Variants in SETD5 observed in about 807,000 individuals in gnomAD.
SETD5 encodes the protein SET domain containing 5, also known as histone-lysine N-methyltransferase SETD5.
SETD5 carries 44 observed loss-of-function variants against 153.3 expected under a neutral mutation model. That is an observed-to-expected ratio of 0.29 (90% CI 0.23 to 0.37). SETD5 has a LOEUF of 0.37. SETD5 is among the 10% of genes least tolerant of loss of function. The pLI, the probability that SETD5 is intolerant of heterozygous loss-of-function variation, is 1.00. For missense variants in SETD5, 1,544 were observed against 1,768.0 expected, an observed-to-expected ratio of 0.87 and a Z score of 2.27; for synonymous variants, 716 against 645.2, an observed-to-expected ratio of 1.11 and a Z score of -1.66.
At chr3:9,471,896 A>C (rs2045343551) in intron 19 of SETD5, among the ~76,000 whole-genome samples, 1 of 152,208 alleles carries the variant, frequency 6.6e-6, no homozygotes, top group Non-Finnish European at 1.5e-5. Flanking sequence ...TATTTTCATT[A>C]TAATGATATT....
At chr3:9,465,071 C>G (rs554940890) in intron 18 of SETD5, 1 of 203,374 alleles carries the variant, frequency 4.9e-6, no homozygotes, top group Admixed American at 5.2e-5. Flanking sequence ...ATTGTGTCTT[C>G]GTTTCTAGGC....
chr3:9,457,320 C>G (rs534365097), intron 17 of SETD5, among the ~76,000 whole-genome samples: 17 of 152,144 alleles, frequency 1.1e-4, no homozygotes, highest in African/African-American at 3.6e-4. Context: ...AACCCCATCT[C>G]TACTAAAAAT....
In SETD5 at chr3:9,447,942, C is replaced by A. The variant is rs544568711; in HGVS notation, c.2039C>A (p.Thr680Asn). 5.6e-6 allele frequency: 9 copies of A among 1,613,956 alleles called. No individual in the cohort carries two copies. In the South Asian group the frequency reaches 8.8e-5, roughly 16 times the overall value. Residue 680 changes from threonine to asparagine, a missense_variant, in exon 15 of 23, where the codon ACT (threonine) becomes AAT (asparagine). Physicochemically the swap from Thr to Asn is moderately conservative, Grantham distance 65 (BLOSUM62 0). Coordinates refer to ENST00000402198, the MANE Select transcript of SETD5 (RefSeq NM_001080517.3). The part of the protein sequence containing the change: ...ENRPLTGSDP[T>N]VVSITGSHVN... The stretch of plus-strand genomic sequence containing the variant: ...AGGCCATTAACAGGGTCTGACCCAA[C>A]TGTGGTGTCAATTACTGGATCCCAT...
intron 17 of SETD5, chr3:9,454,152 A>G (rs2042935696): frequency 5.8e-6 from 1 of 172,864 alleles, no homozygotes; most frequent in African/African-American, 2.4e-5. Context: ...TCATATTTAT[A>G]AGATGGGGCA....
intron 1 of SETD5, among the ~76,000 whole-genome samples, chr3:9,405,927 G>T (rs1314401853): frequency 6.6e-6 from 1 of 152,106 alleles, no homozygotes; most frequent in East Asian, 1.9e-4. Context: ...CATACAATTT[G>T]TACTTTCACA....
At chr3:9,435,609 T>C (rs2040478266) in intron 6 of SETD5, 119 bp from the exon 7 acceptor site, 1 of 871,734 alleles carries the variant, frequency 1.1e-6, no homozygotes, top group Non-Finnish European at 1.7e-6. Context: ...TTACAGATGA[T>C]AAGAGTTAAT....
chr3:9,419,181 A>G (rs947469004), intron 1 of SETD5, among the ~76,000 whole-genome samples: 1 of 152,218 alleles, frequency 6.6e-6, no homozygotes, highest in Non-Finnish European at 1.5e-5. Flanking sequence ...TACTTGGCAC[A>G]TAGGCAAACC....
chr3:9,436,823 T>C, intron 7 of SETD5: 1 of 1,549,268 alleles, frequency 6.5e-7, no homozygotes, highest in African/African-American at 1.4e-5. Context: ...GTTTTGTTTG[T>C]TCTACTTGTT....
chr3:9,445,979 T>G (rs1391518373), intron 13 of SETD5, among the ~76,000 whole-genome samples: 2 of 147,454 alleles, frequency 1.4e-5, no homozygotes, highest in African/African-American at 2.5e-5. Flanking sequence ...TTTTTTTTTT[T>G]TTTTTTTTTA....
Position 9,470,584 on chromosome 3 carries a change from C to G in SETD5, c.2850C>G (p.Leu950=). The G allele has an allele frequency of 6.2e-7, 1 of 1,614,008 alleles. No homozygotes were observed. The highest frequency in any genetic ancestry group is 8.5e-7 in the Non-Finnish European group (1 of 1,179,896). The part of the protein sequence containing the change: ...GHSDLAPHPS[L]GPTSETGFPS... ...CTGACCTGGCTCCTCATCCCTCCCTCGGACCCACTTCTGAGACTGGTTTCC... is the reference window on the plus strand; with the variant it reads ...CTGACCTGGCTCCTCATCCCTCCCTGGGACCCACTTCTGAGACTGGTTTCC... The change falls in exon 19 of 23, where the codon CTC becomes CTG. Residue 950 remains leucine, a synonymous_variant. Coordinates refer to ENST00000402198, the MANE Select transcript of SETD5 (RefSeq NM_001080517.3).
At chr3:9,425,575 CTTT>C (rs767789314) in intron 2 of SETD5, among the ~76,000 whole-genome samples, 2 of 108,054 alleles carry the variant, frequency 1.9e-5, no homozygotes, top group Non-Finnish European at 1.9e-5. Context: ...AGAAACTGTA[CTTT>C]TTTTTTTTTT....
intron 1 of SETD5, among the ~76,000 whole-genome samples, chr3:9,403,912 G>T (rs1020320424): frequency 1.3e-5 from 2 of 152,074 alleles, no homozygotes; most frequent in African/African-American, 4.8e-5. Flanking sequence ...AATGTTTTGC[G>T]TCAGTTCTTT....
At chr3:9,403,936 G>A (rs2035243317) in intron 1 of SETD5, among the ~76,000 whole-genome samples, 1 of 152,080 alleles carries the variant, frequency 6.6e-6, no homozygotes, top group African/African-American at 2.4e-5. Context: ...TAAAAATAAA[G>A]AATTTCATTT....
At chr3:9,399,827 CAAAAAAAAA>C (rs33940536) in intron 1 of SETD5, among the ~76,000 whole-genome samples, 1 of 128,678 alleles carries the variant, frequency 7.8e-6, no homozygotes, top group Non-Finnish European at 1.7e-5. Context: ...AGCACTGGTC[CAAAAAAAAA>C]AAAAAAAAGT....
At chr3:9,465,958 T>C (rs940903780) in intron 18 of SETD5, among the ~76,000 whole-genome samples, 1 of 152,146 alleles carries the variant, frequency 6.6e-6, no homozygotes, top group Non-Finnish European at 1.5e-5. Context: ...TGTCATACTT[T>C]ATCAATACAG....
At chr3:9,457,898 T>C (rs749520516) in intron 17 of SETD5, among the ~76,000 whole-genome samples, 10 of 151,852 alleles carry the variant, frequency 6.6e-5, no homozygotes, top group Non-Finnish European at 1.5e-4. Context: ...TTTGATTAAA[T>C]GATTCTGAAG....
intron 18 of SETD5, among the ~76,000 whole-genome samples, chr3:9,466,406 CA>C (rs2044590627): frequency 6.6e-6 from 1 of 151,130 alleles, no homozygotes; most frequent in African/African-American, 2.4e-5. Flanking sequence ...TTAAACACTG[CA>C]AATATAAAGT....
chr3:9,445,313 G>C lies in SETD5; in HGVS notation c.1440+13G>C. ...CAGTGATCATGAGGTAATCGCCCCT[G>C]GTCAAATGATGATGCTATGGCATCA... On this transcript the variant is annotated intron_variant, in intron 12 of 22. Transcript: ENST00000402198. 1 of 1,595,934 alleles carries C rather than the reference G, an allele frequency of 6.3e-7. No individual in the cohort carries two copies. The highest frequency in any genetic ancestry group is 1.3e-5 in the African/African-American group (1 of 74,674).
intron 1 of SETD5, among the ~76,000 whole-genome samples, chr3:9,415,123 G>A (rs1199074149): frequency 1.3e-5 from 2 of 152,098 alleles, no homozygotes; most frequent in African/African-American, 4.8e-5. Flanking sequence ...ATGGTATATG[G>A]TTTTAATTAT....
Sources: allele counts gnomAD v4.1 joint callset (sites outside exome capture counted in the v4.1 genomes callset), GRCh38; gene constraint gnomAD v4.1.1; transcripts MANE v1.5; gene names NCBI Gene and HGNC (gene_info 2026-07-23, HGNC 2026-07-21).